BCAT1: variants seen among roughly 807,000 people sequenced by gnomAD.
BCAT1 encodes the protein branched chain amino acid transaminase 1.
In BCAT1, 48 loss-of-function variants were observed where a neutral mutation model predicts 52.4. That is an observed-to-expected ratio of 0.92 (90% CI 0.73 to 1.16). BCAT1 has a LOEUF of 1.16. Among genes scored for constraint, BCAT1 ranks in the 50% most tolerant of loss-of-function variants. The probability of loss-of-function intolerance (pLI) is 0.00; values close to 1 mark genes in which losing one functional copy is unlikely to be tolerated. For missense variants in BCAT1, 451 were observed against 457.1 expected (o/e 0.99, Z 0.12); for synonymous variants, 167 against 161.3 (o/e 1.04, Z -0.27).
intron 5 of BCAT1, among the ~76,000 whole-genome samples, chr12:24,873,452 A>G (rs1269446180): frequency 6.6e-6 from 1 of 152,190 alleles, no homozygotes. Flanking sequence ...AGTTTATATA[A>G]CATAATATCC....
intron 6 of BCAT1, among the ~76,000 whole-genome samples, chr12:24,844,762 T>C (rs913549024): frequency 7.9e-5 from 12 of 151,334 alleles, no homozygotes; most frequent in African/African-American, 2.7e-4. Flanking sequence ...CCGGGCGTGG[T>C]GGCTGGCGCC....
chr12:24,936,888 C>A (rs547655580), intron 1 of BCAT1, among the ~76,000 whole-genome samples: 1 of 152,232 alleles, frequency 6.6e-6, no homozygotes, highest in South Asian at 2.1e-4. Context: ...CTCTCCATCT[C>A]AAGATCCATA....
intron 1 of BCAT1, among the ~76,000 whole-genome samples, chr12:24,923,266 C>T (rs891843208): frequency 1.3e-5 from 2 of 152,216 alleles, no homozygotes; most frequent in African/African-American, 4.8e-5. Flanking sequence ...CAAGGGCCAA[C>T]TTTGCAAGCC....
chr12:24,846,916 G>A (rs1011851141), intron 6 of BCAT1, among the ~76,000 whole-genome samples: 5 of 152,124 alleles, frequency 3.3e-5, no homozygotes, highest in African/African-American at 1.2e-4. Context: ...AGACTTTATT[G>A]TTCATTGGAA....
intron 1 of BCAT1, among the ~76,000 whole-genome samples, chr12:24,920,318 C>T (rs902326158): frequency 2.6e-5 from 4 of 152,180 alleles, no homozygotes; most frequent in Non-Finnish European, 4.4e-5. Flanking sequence ...AGGAACTCCA[C>T]CTCTCTGCAA....
chr12:24,875,077 T>C (rs1302324768), intron 5 of BCAT1, among the ~76,000 whole-genome samples: 1 of 148,506 alleles, frequency 6.7e-6, no homozygotes, highest in Non-Finnish European at 1.5e-5. Context: ...AATGACAGGA[T>C]AGGCCCATCA....
At chr12:24,866,471 G>T (rs1267780095) in intron 5 of BCAT1, among the ~76,000 whole-genome samples, 2 of 152,216 alleles carry the variant, frequency 1.3e-5, no homozygotes, top group Non-Finnish European at 2.9e-5. Context: ...CAGCCCGAGG[G>T]CTGAGGAGTG....
Position 24,912,413 on chromosome 12 carries a change from G to C in BCAT1, c.7-10528C>G, listed in dbSNP as rs185292215. Among the ~76,000 whole-genome samples, 222 of 152,156 alleles carry C rather than the reference G, an allele frequency of 1.5e-3. 2 individuals carry two copies. Among genetic ancestry groups the C allele is most frequent in the Non-Finnish European group, 2.4e-3 (166 of 68,002 alleles). ...TGGGCACCTGTAGTCCCAGCTACTC[G>C]GGAGGCTGAGGCAGGAGAATGGCGT... On this transcript the variant is annotated intron_variant, in intron 1 of 10. Transcript: ENST00000261192.
intron 5 of BCAT1, among the ~76,000 whole-genome samples, chr12:24,862,595 C>T (rs1289004750): frequency 1.3e-5 from 2 of 152,190 alleles, no homozygotes; most frequent in Non-Finnish European, 2.9e-5. Context: ...GCTGCATACA[C>T]GTTAGCCTAC....
At chr12:24,900,442 T>C (rs1041930278) in intron 2 of BCAT1, among the ~76,000 whole-genome samples, 12 of 152,024 alleles carry the variant, frequency 7.9e-5, no homozygotes, top group Admixed American at 6.6e-5. Context: ...CGAAATTAGT[T>C]GGGCCTGATG....
intron 1 of BCAT1, among the ~76,000 whole-genome samples, chr12:24,924,553 T>C (rs1377310655): frequency 2.0e-5 from 3 of 152,308 alleles, no homozygotes; most frequent in South Asian, 4.1e-4. Flanking sequence ...TTCAGTGTTA[T>C]TCTTGCCAAG....
intron 1 of BCAT1, among the ~76,000 whole-genome samples, chr12:24,919,890 C>T (rs931066221): frequency 6.6e-6 from 1 of 152,176 alleles, no homozygotes; most frequent in Admixed American, 6.5e-5. Flanking sequence ...GGGGAAACCC[C>T]TTTCGCTTGG....
intron 1 of BCAT1, among the ~76,000 whole-genome samples, chr12:24,907,397 G>A (rs1027641874): frequency 6.6e-6 from 1 of 152,200 alleles, no homozygotes; most frequent in Non-Finnish European, 1.5e-5. Flanking sequence ...GTTCATGTCT[G>A]TCAGGCCTCT....
At chr12:24,867,839 T>C (rs12316475) in intron 5 of BCAT1, among the ~76,000 whole-genome samples, 24,396 of 151,954 alleles carry the variant, frequency 0.16, 2,019 homozygotes, top group East Asian at 0.22. Flanking sequence ...ACCCCATCTC[T>C]ACAAAAAATA....
rs747486643 is a variant in BCAT1 at position 24,837,096 on chromosome 12, A to AAAGG, written c.818-504_818-501dup. The stretch of plus-strand genomic sequence containing the variant: ...AAGAGAGAGGGAGGGAGGGAGGGAG[A>AAAGG]AAGGAAGGAAGAAAGAGAAGGAAGG... On this transcript the variant is annotated intron_variant, in intron 7 of 10. Transcript: ENST00000261192. Among the ~76,000 whole-genome samples, 846 of 94,808 alleles carry AAAGG rather than the reference A, an allele frequency of 8.9e-3. 22 individuals are homozygous for AAAGG. The highest frequency in any genetic ancestry group is 0.029 in the African/African-American group (796 of 27,352). The allele number at this position is 94,808 out of a possible 152,430, so 62.2% of individuals were successfully genotyped here.
intron 2 of BCAT1, among the ~76,000 whole-genome samples, chr12:24,896,534 C>T (rs1281875911): frequency 6.6e-6 from 1 of 152,110 alleles, no homozygotes; most frequent in Non-Finnish European, 1.5e-5. Flanking sequence ...TTTGGGAGGC[C>T]GAGGCGGGTG....
chr12:24,916,152 C>T (rs1943403297), intron 1 of BCAT1, among the ~76,000 whole-genome samples: 1 of 152,126 alleles, frequency 6.6e-6, no homozygotes, highest in African/African-American at 2.4e-5. Context: ...GAGTGAGATT[C>T]CGTGTCAAAA....
chr12:24,915,314 A>C (rs1565497420), intron 1 of BCAT1, among the ~76,000 whole-genome samples: 1 of 152,214 alleles, frequency 6.6e-6, no homozygotes. Context: ...ATAGACATAA[A>C]TATCTTCACA....
chr12:24,948,986 G>A lies in BCAT1; in HGVS notation c.-54C>T. 2 of 1,571,212 alleles carry A rather than the reference G, an allele frequency of 1.3e-6. No individual in the cohort carries two copies. Among genetic ancestry groups the A allele is most frequent in the Non-Finnish European group, 8.6e-7 (1 of 1,157,232 alleles). ...GCTGAGCGGAGGGCAGATCCCAAGG[G>A]TCGTAGCCCCTGGCCGTGTGGACCG... is the stretch of plus-strand genomic sequence containing the variant. On this transcript the variant is annotated 5_prime_UTR_variant, in exon 1 of 11. Coordinates refer to ENST00000261192, the MANE Select transcript of BCAT1 (RefSeq NM_005504.7).
Sources: gnomAD v4.1 joint callset for allele counts (sites outside exome capture counted in the v4.1 genomes callset) on GRCh38, gnomAD v4.1.1 for gene constraint, MANE v1.5 for transcripts, NCBI Gene and HGNC (gene_info 2026-07-23, HGNC 2026-07-21) for gene names.